Variants in COL17A1 observed in about 807,000 individuals in gnomAD.
COL17A1 encodes the protein collagen type XVII alpha 1 chain.
A neutral mutation model predicts 218.4 loss-of-function variants in COL17A1; 181 were observed. The ratio of observed to expected loss-of-function variants is 0.83; its 90% CI spans 0.73 to 0.94. The LOEUF (loss-of-function observed/expected upper bound fraction) is 0.94. Ranked by LOEUF, COL17A1 falls within the 40% of genes least tolerant of loss-of-function variation. COL17A1 has a pLI of 0.00. For missense variants in COL17A1, 1,924 were observed against 1,945.9 expected (o/e 0.99, Z 0.21); for synonymous variants, 721 against 731.0 (o/e 0.99, Z 0.22).
intron 34 of COL17A1, 121 bp from the exon 35 acceptor site, chr10:104,043,702 C>T (rs2086383080): frequency 4.0e-6 from 6 of 1,511,568 alleles, no homozygotes; most frequent in Admixed American, 3.4e-5. Context: ...CTAAATTTCC[C>T]TCCTCCCCCG....
At position 104,078,417 on chromosome 10, in the gene COL17A1, A is replaced by G. The variant is rs147956106; in HGVS notation, c.97+125T>C. The G allele has an allele frequency of 7.5e-5, 91 of 1,208,882 alleles. 1 individual carries two copies. The East Asian group carries it at 2.3e-3, about 30-fold the overall frequency. 74.9% of individuals were successfully genotyped at this position (1,208,882 alleles called of 1,614,324 possible). A position where few individuals can be genotyped will look rare whatever the true frequency, so the allele number is the denominator to read the frequency against. On this transcript the variant is annotated intron_variant, in intron 3 of 55. Coordinates refer to ENST00000648076, the MANE Select transcript of COL17A1 (RefSeq NM_000494.4). The stretch of plus-strand genomic sequence containing the variant: ...AACTGGCGAATTCTGTTGTATAGAA[A>G]TTAATGTCAATATAGCTGTTAAAAA...
At position 104,034,634 on chromosome 10, in the gene COL17A1, G is replaced by T; in HGVS notation, c.3753C>A (p.Ile1251=). The change falls in exon 51 of 56, where the codon ATC becomes ATA. Residue 1251 remains isoleucine, a synonymous_variant. Transcript: ENST00000648076. ...CGGGGCACCTACTTGTGAGGTAGCT[G>T]ATCAGCTCGCTCCGGAAGCTGTCGC... is the stretch of plus-strand genomic sequence containing the variant. ...ENSDSFRSEL[I]SYLTSPDVRS... The T allele has an allele frequency of 6.2e-7, 1 of 1,610,300 alleles. No homozygotes were observed. The highest frequency in any genetic ancestry group is 1.1e-5 in the South Asian group (1 of 89,926).
intron 33 of COL17A1, 141 bp from the exon 34 acceptor site, chr10:104,044,001 G>A: frequency 3.3e-6 from 3 of 902,118 alleles, no homozygotes; most frequent in South Asian, 1.3e-5. Context: ...TTAATGAACT[G>A]AAGGAAGGCA....
chr10:104,061,513 C>T (rs1377970335), intron 12 of COL17A1, 40 bp from the exon 13 acceptor site: 3 of 1,593,922 alleles, frequency 1.9e-6, no homozygotes, highest in Middle Eastern at 1.8e-4. Flanking sequence ...GAGGGTGGTT[C>T]CAGGTGACTC....
intron 47 of COL17A1, 42 bp downstream of exon 47, chr10:104,037,003 G>A (rs776428559): frequency 6.4e-7 from 1 of 1,552,022 alleles, no homozygotes; most frequent in South Asian, 1.2e-5. Context: ...CCAGGAGAAA[G>A]CAAAGATAGT....
In COL17A1 at chr10:104,078,445, A is replaced by G. The variant is rs201629566; in HGVS notation, c.97+97T>C. The stretch of plus-strand genomic sequence containing the variant: ...AATGTCAATATAGCTGTTAAAAAAG[A>G]TGTCAAAAATTTTGGAGCTCCCATG... On this transcript the variant is annotated intron_variant, in intron 3 of 55. Coordinates refer to ENST00000648076, the MANE Select transcript of COL17A1 (RefSeq NM_000494.4). 85 of 1,500,308 alleles carry G rather than the reference A, an allele frequency of 5.7e-5. No homozygotes were observed. The East Asian group carries it at 1.8e-3, about 33-fold the overall frequency. 92.9% of individuals were successfully genotyped at this position (1,500,308 alleles called of 1,614,324 possible).
At position 104,063,897 on chromosome 10, in the gene COL17A1, C is replaced by A. The variant is rs140820953; in HGVS notation, c.767-79G>T. On this transcript the variant is annotated intron_variant, in intron 10 of 55. Coordinates refer to ENST00000648076, the MANE Select transcript of COL17A1 (RefSeq NM_000494.4). The stretch of plus-strand genomic sequence containing the variant: ...TAGAGATTTGGATACCACAGAAGCA[C>A]CAGAAGAAATGCCAGGATTGGGTTT... The A allele has an allele frequency of 1.0e-2, 15,881 of 1,593,976 alleles. 107 individuals carry two copies. The highest frequency in any genetic ancestry group is 0.012 in the Non-Finnish European group (14,533 of 1,165,640).
At chr10:104,072,747 C>G (rs1794106196) in intron 7 of COL17A1, among the ~76,000 whole-genome samples, 3 of 152,152 alleles carry the variant, frequency 2.0e-5, no homozygotes, top group Admixed American at 2.0e-4. Context: ...CATTTCTCTC[C>G]TATATCATTG....
intron 5 of COL17A1, among the ~76,000 whole-genome samples, chr10:104,075,636 T>G (rs1422996144): frequency 1.3e-5 from 2 of 152,268 alleles, no homozygotes; most frequent in Non-Finnish European, 2.9e-5. Flanking sequence ...AAAATATGAT[T>G]GTTTTGCTAA....
At chr10:104,052,010 T>C in intron 24 of COL17A1, 145 bp downstream of exon 24, 1 of 1,087,218 alleles carries the variant, frequency 9.2e-7, no homozygotes, top group Non-Finnish European at 1.4e-6. Context: ...TGGGGGATGC[T>C]CTTTGGACCC....
intron 29 of COL17A1, among the ~76,000 whole-genome samples, chr10:104,048,824 A>G (rs1332801548): frequency 6.7e-6 from 1 of 150,308 alleles, no homozygotes; most frequent in African/African-American, 2.5e-5. Context: ...GATCCTCAAC[A>G]TGGTCTTTTT....
rs185714309 is a variant in COL17A1, at chr10:104,073,968, G to A, written c.379+216C>T. On this transcript the variant is annotated intron_variant, in intron 6 of 55. Coordinates refer to ENST00000648076, the MANE Select transcript of COL17A1 (RefSeq NM_000494.4). ...TAGCTTACCATTTCTATAGTGCCAC[G>A]AGCAAAGGCTTATGACAGCAAGTTA... 122 of 627,566 alleles carry A rather than the reference G, an allele frequency of 1.9e-4. 3 individuals carry two copies. The highest frequency in any genetic ancestry group is 1.3e-3 in the East Asian group (39 of 30,448). 38.9% of individuals were successfully genotyped at this position (627,566 alleles called of 1,614,324 possible). A position where few individuals can be genotyped will look rare whatever the true frequency, so the allele number is the denominator to read the frequency against.
At chr10:104,077,685 C>T (rs1194609309) in intron 3 of COL17A1, among the ~76,000 whole-genome samples, 159 bp from the exon 4 acceptor site, 3 of 142,736 alleles carry the variant, frequency 2.1e-5, no homozygotes. Context: ...CTGCCATGCT[C>T]CAGTTTCGTT....
At chr10:104,077,297 T>A (rs2086719051) in intron 4 of COL17A1, 125 bp downstream of exon 4, 9 of 759,262 alleles carry the variant, frequency 1.2e-5, no homozygotes, top group South Asian at 1.2e-4. Context: ...GACAGGTGAT[T>A]GTAATTGTCC....
At chr10:104,035,618 CAGAG>C in intron 48 of COL17A1, 55 bp from the exon 49 acceptor site, 2 of 1,390,780 alleles carry the variant, frequency 1.4e-6, no homozygotes, top group Admixed American at 3.6e-5. Context: ...AAACACCTGT[CAGAG>C]AGGAGGTCGG....
rs751195191 is a variant in COL17A1 at position 104,040,376 on chromosome 10, G to C, written c.2736C>G (p.Gly912=). Residue 912 remains glycine (G), a synonymous_variant, in exon 40 of 56, where the codon GGC becomes GGG. Transcript: ENST00000648076. ...TFLSGPPGPP[G]PPGPKGDQGP... ...CTTGGTCTCCCTTGGGACCTGGGGG[G>C]CCAGGTGGGCCTGGGGGGCCGGAGA... 6 of 1,610,340 alleles carry C rather than the reference G, an allele frequency of 3.7e-6. No individual in the cohort carries two copies. In the Admixed American group the frequency reaches 1.0e-4, roughly 27 times the overall value.
intron 20 of COL17A1, 89 bp from the exon 21 acceptor site, chr10:104,054,207 T>G: frequency 2.1e-6 from 3 of 1,399,580 alleles, no homozygotes; most frequent in Non-Finnish European, 3.0e-6. Context: ...CAGGTAGGGT[T>G]GCCAAACTTA....
At chr10:104,037,004 C>T (rs1482239533) in intron 47 of COL17A1, 41 bp downstream of exon 47, 7 of 1,557,658 alleles carry the variant, frequency 4.5e-6, no homozygotes, top group Non-Finnish European at 6.1e-6. Context: ...CAGGAGAAAG[C>T]AAAGATAGTC....
intron 9 of COL17A1, 118 bp from the exon 10 acceptor site, chr10:104,064,714 T>G (rs2086612680): frequency 2.1e-6 from 2 of 947,622 alleles, no homozygotes; most frequent in Non-Finnish European, 3.3e-6. Context: ...GCCCCACATT[T>G]CAGGAACTTT....
Sources: allele counts gnomAD v4.1 joint callset (sites outside exome capture counted in the v4.1 genomes callset), GRCh38; gene constraint gnomAD v4.1.1; transcripts MANE v1.5; gene names NCBI Gene and HGNC (gene_info 2026-07-23, HGNC 2026-07-21).